RIMS2: variants seen among roughly 807,000 people sequenced by gnomAD.
RIMS2 encodes the protein regulating synaptic membrane exocytosis protein 2.
RIMS2 carries 59 observed loss-of-function variants against 174.4 expected under a neutral mutation model. The ratio of observed to expected loss-of-function variants is 0.34; its 90% confidence interval spans 0.27 to 0.42. The LOEUF (loss-of-function observed/expected upper bound fraction) is 0.42, where lower values mean the gene tolerates loss of function less well. Among genes scored for constraint, RIMS2 ranks in the 10% least tolerant of loss-of-function variants. The probability of loss-of-function intolerance (pLI) is 1.00; values close to 1 mark genes in which losing one functional copy is unlikely to be tolerated. For missense variants in RIMS2, 1,620 were observed against 1,666.3 expected, an observed-to-expected ratio of 0.97 and a Z score of 0.48; for synonymous variants, 606 against 572.5, an observed-to-expected ratio of 1.06 and a Z score of -0.84.
intron 6 of RIMS2, among the ~76,000 whole-genome samples, chr8:103,914,513 G>A (rs2076309841): frequency 6.6e-6 from 1 of 152,122 alleles, no homozygotes; most frequent in Non-Finnish European, 1.5e-5. Flanking sequence ...ATTAATGTTT[G>A]TTAAGCCAAA....
At chr8:103,834,742 T>TTCTTTCTTTCTC (rs1406395709) in intron 3 of RIMS2, among the ~76,000 whole-genome samples, 45 of 109,582 alleles carry the variant, frequency 4.1e-4, no homozygotes, top group Non-Finnish European at 6.7e-4. Context: ...CTTTCTTTCT[T>TTCTTTCTTTCTC]TCTCTCTCTT....
chr8:103,982,401 C>T (rs368202405), intron 16 of RIMS2, among the ~76,000 whole-genome samples: 3 of 149,986 alleles, frequency 2.0e-5, no homozygotes, highest in East Asian at 2.0e-4. Context: ...TCTACAAGGC[C>T]GTTATTACTT....
chr8:104,184,096 G>C lies in RIMS2; in HGVS notation c.3335-60820G>C, dbSNP rs547983549. The stretch of plus-strand genomic sequence containing the variant: ...CCCCACAAAAGGAAAAGAACAATGT[G>C]CTATCTATGTCATAACTTGTGCTCT... On this transcript the variant is annotated intron_variant, in intron 19 of 23. Transcript: ENST00000504942. Among the ~76,000 whole-genome samples the C allele has an allele frequency of 1.6e-4, 24 of 151,706 alleles. 2 individuals are homozygous for C. In the South Asian group the frequency reaches 5.0e-3, roughly 31 times the overall value.
chr8:103,931,054 A>T (rs182161743), intron 11 of RIMS2, among the ~76,000 whole-genome samples: 1 of 152,266 alleles, frequency 6.6e-6, no homozygotes, highest in Admixed American at 6.5e-5. Context: ...CACATGCTTG[A>T]TCAGTCAAAC....
intron 1 of RIMS2, among the ~76,000 whole-genome samples, chr8:103,667,825 A>G (rs995922892): frequency 1.3e-5 from 2 of 152,174 alleles, no homozygotes; most frequent in African/African-American, 4.8e-5. Flanking sequence ...TAAGGTCTCC[A>G]ATGGGTGTAT....
At chr8:104,197,040 A>C (rs978475267) in intron 19 of RIMS2, among the ~76,000 whole-genome samples, 1 of 152,190 alleles carries the variant, frequency 6.6e-6, no homozygotes, top group African/African-American at 2.4e-5. Context: ...AGATGCAAAG[A>C]ACCTAAAAAT....
chr8:103,976,430 C>T (rs549060961), intron 16 of RIMS2: 16 of 151,788 alleles, frequency 1.1e-4, no homozygotes, highest in African/African-American at 3.6e-4. Context: ...TAATTATACT[C>T]ATGAATGATA....
rs190738536 is a variant in RIMS2 at position 103,970,317 on chromosome 8, G to C, written c.2771-5033G>C. ...TTTCTTTCTCCTGTGTGGAAAGCTAGAGTGGACTAGATTTGGGTATTTCCC... is the reference window on the plus strand; with the variant it reads ...TTTCTTTCTCCTGTGTGGAAAGCTACAGTGGACTAGATTTGGGTATTTCCC... On this transcript the variant is annotated intron_variant, in intron 15 of 23. Coordinates refer to ENST00000504942, the Ensembl canonical transcript of RIMS2. 4.3e-3 allele frequency among the ~76,000 whole-genome samples: 657 copies of C among 152,292 alleles called. 2 individuals are homozygous for C. Among genetic ancestry groups the C allele is most frequent in the Middle Eastern group, 0.014 (4 of 294 alleles).
At chr8:103,840,778 T>C (rs1312535837) in intron 3 of RIMS2, among the ~76,000 whole-genome samples, 2 of 152,156 alleles carry the variant, frequency 1.3e-5, no homozygotes, top group Non-Finnish European at 2.9e-5. Flanking sequence ...ACTGTGGGAA[T>C]GAAACGGTTC....
intron 19 of RIMS2, among the ~76,000 whole-genome samples, chr8:104,041,034 G>A (rs761126619): frequency 3.7e-4 from 56 of 151,674 alleles, no homozygotes; most frequent in Admixed American, 7.9e-4. Flanking sequence ...CAGCATTGGT[G>A]TTCAGGATTT....
rs139820291 is a variant in RIMS2, at chr8:103,858,621, A to G, written c.699-26677A>G. Among the ~76,000 whole-genome samples the G allele has an allele frequency of 6.1e-3, 915 of 151,198 alleles. 10 individuals are homozygous for G. The highest frequency in any genetic ancestry group is 0.021 in the African/African-American group (867 of 41,122). On this transcript the variant is annotated intron_variant, in intron 3 of 23. Transcript: ENST00000504942. ...TGTGTGTCTGTGTGTGTGTGTATAT[A>G]TATATATTTCTCCTAGCTGAATAGT... is the stretch of plus-strand genomic sequence containing the variant.
At chr8:103,723,534 G>A (rs1469167573) in intron 2 of RIMS2, among the ~76,000 whole-genome samples, 1 of 152,206 alleles carries the variant, frequency 6.6e-6, no homozygotes, top group Admixed American at 6.5e-5. Flanking sequence ...GCATATGTGT[G>A]TGGCCTGTAG....
chr8:104,242,211 G>C (rs185162242), intron 19 of RIMS2, among the ~76,000 whole-genome samples: 1 of 152,076 alleles, frequency 6.6e-6, no homozygotes, highest in Admixed American at 6.6e-5. Flanking sequence ...TTTTGGGTTG[G>C]GGGTGGGGGC....
chr8:103,517,322 C>A (rs770246473), intron 1 of RIMS2, among the ~76,000 whole-genome samples: 2 of 152,098 alleles, frequency 1.3e-5, no homozygotes, highest in Non-Finnish European at 2.9e-5. Context: ...AGCATTTAGA[C>A]ACGGACTGTG....
At chr8:103,719,627 A>G (rs2097420797) in intron 2 of RIMS2, among the ~76,000 whole-genome samples, 1 of 152,202 alleles carries the variant, frequency 6.6e-6, no homozygotes, top group Admixed American at 6.5e-5. Flanking sequence ...CTCAGTTATG[A>G]ATTTTCTATT....
At chr8:104,224,272 T>TA (rs2099171250) in intron 19 of RIMS2, among the ~76,000 whole-genome samples, 1 of 152,126 alleles carries the variant, frequency 6.6e-6, no homozygotes, top group Non-Finnish European at 1.5e-5. Context: ...GACAGACAGT[T>TA]AGAGGGTTGC....
chr8:103,859,374 G>T (rs895050346), intron 3 of RIMS2, among the ~76,000 whole-genome samples: 7 of 152,012 alleles, frequency 4.6e-5, no homozygotes, highest in Non-Finnish European at 1.0e-4. Context: ...TTTGGGGAGG[G>T]ATGTACTATT....
In RIMS2 at chr8:103,968,699, T is replaced by C. The variant is rs150077366; in HGVS notation, c.2771-6651T>C. ...ATTTAAGCATACATAATTGAATACA[T>C]TGTTGCTATTATTACTTTGAATTAA... On this transcript the variant is annotated intron_variant, in intron 15 of 23. Transcript: ENST00000504942. Among the ~76,000 whole-genome samples, 520 of 152,214 alleles carry C rather than the reference T, an allele frequency of 3.4e-3. 2 individuals are homozygous for C. Among genetic ancestry groups the C allele is most frequent in the Non-Finnish European group, 5.8e-3 (394 of 67,988 alleles).
At chr8:103,588,913 T>A (rs1454099899) in intron 1 of RIMS2, among the ~76,000 whole-genome samples, 2 of 151,712 alleles carry the variant, frequency 1.3e-5, no homozygotes, top group African/African-American at 4.8e-5. Context: ...ACTAATGGGA[T>A]CACATCAAGT....
Sources: gnomAD v4.1 joint callset for allele counts (sites outside exome capture counted in the v4.1 genomes callset) on GRCh38, gnomAD v4.1.1 for gene constraint, MANE v1.5 for transcripts, NCBI Gene and HGNC (gene_info 2026-07-23, HGNC 2026-07-21) for gene names.